The following GLS variants were observed in gnomAD, a reference collection of about 807,000 sequenced individuals.
GLS encodes glutaminase.
In GLS, 36 loss-of-function variants were observed where a neutral mutation model predicts 86.7. That is an observed-to-expected ratio of 0.42 (90% CI 0.32 to 0.55). The LOEUF (loss-of-function observed/expected upper bound fraction) is 0.55, where lower values mean the gene tolerates loss of function less well. GLS is among the 20% of genes least tolerant of loss of function. The pLI, the probability that GLS is intolerant of heterozygous loss-of-function variation, is 0.17. For missense variants in GLS, 528 were observed against 833.4 expected (o/e 0.63, Z 4.51); for synonymous variants, 317 against 305.9 (o/e 1.04, Z -0.38).
chr2:190,907,176 G>A (rs557639462), intron 6 of GLS, among the ~76,000 whole-genome samples: 48 of 151,736 alleles, frequency 3.2e-4, no homozygotes, highest in African/African-American at 1.0e-3. Context: ...TGCCCGCCTC[G>A]GCCTCCCAAA....
At position 190,920,918 on chromosome 2, in the gene GLS, C is replaced by A; in HGVS notation, c.1039-106C>A. The A allele has an allele frequency of 3.3e-6, 2 of 613,564 alleles. No individual in the cohort carries two copies. The highest frequency in any genetic ancestry group is 5.9e-6 in the Non-Finnish European group (2 of 337,868). 38.0% of individuals were successfully genotyped at this position (613,564 alleles called of 1,614,324 possible). On this transcript the variant is annotated intron_variant, in intron 7 of 17. Coordinates refer to ENST00000320717, the MANE Select transcript of GLS (RefSeq NM_014905.5). The surrounding 1 kb of genome is among the most constrained non-coding windows in gnomAD (Gnocchi z 4.2). ...GAACTATTTCCTAGATTTAAAAATA[C>A]TAATGCAGTATATTATAATAGTAGC...
chr2:190,910,450 TTATGG>T, intron 7 of GLS, 129 bp downstream of exon 7: 1 of 577,914 alleles, frequency 1.7e-6, no homozygotes. Flanking sequence ...GAAATTTGTC[TTATGG>T]TATAGTGTTA....
At chr2:190,900,503 T>A (rs1183425424) in intron 3 of GLS, 61 bp from the exon 4 acceptor site, 1 of 910,130 alleles carries the variant, frequency 1.1e-6, no homozygotes, top group Non-Finnish European at 1.7e-6. Context: ...ATTACTGTTA[T>A]TACCAAGTTC....
At chr2:190,881,544 G>T in intron 1 of GLS, 74 bp downstream of exon 1, 1 of 1,373,948 alleles carries the variant, frequency 7.3e-7, no homozygotes, top group Middle Eastern at 2.5e-4. Context: ...GGGCCCTGCG[G>T]TGGGGCGGGA....
intron 3 of GLS, among the ~76,000 whole-genome samples, chr2:190,900,235 G>T (rs181241173): frequency 1.9e-4 from 29 of 152,242 alleles, no homozygotes; most frequent in African/African-American, 6.5e-4. Flanking sequence ...ACCAGATGTC[G>T]TCATGCTGAA....
intron 1 of GLS, among the ~76,000 whole-genome samples, chr2:190,887,313 C>T (rs1212675048): frequency 6.6e-6 from 1 of 152,100 alleles, no homozygotes; most frequent in Non-Finnish European, 1.5e-5. Flanking sequence ...GTCATCACTG[C>T]ACTTAGTGAT....
In GLS at chr2:190,895,349, A is replaced by T. The variant is rs1436306471; in HGVS notation, c.483+101A>T. ...GTCTTAAAGGTCGTCTGACATGTAG[A>T]TTCTGACTGACAATATTTCTCTTAT... On this transcript the variant is annotated intron_variant, in intron 2 of 17. Coordinates refer to ENST00000320717, the MANE Select transcript of GLS (RefSeq NM_014905.5). The surrounding 1 kb of genome is among the most constrained non-coding windows in gnomAD (Gnocchi z 4.2). 1 of 560,662 alleles carries T rather than the reference A, an allele frequency of 1.8e-6. No homozygotes were observed. Among genetic ancestry groups the T allele is most frequent in the African/African-American group, 1.9e-5 (1 of 52,778 alleles). The allele number at this position is 560,662 out of a possible 1,614,324, so 34.7% of individuals were successfully genotyped here. A position where few individuals can be genotyped will look rare whatever the true frequency, so the allele number is the denominator to read the frequency against.
intron 14 of GLS, among the ~76,000 whole-genome samples, chr2:190,950,395 A>C (rs1209985164): frequency 6.6e-6 from 1 of 152,180 alleles, no homozygotes; most frequent in Non-Finnish European, 1.5e-5. Context: ...GGTTCAGATG[A>C]GGCCTAAGGC....
chr2:190,927,390 GA>G lies in GLS; in HGVS notation c.1336del (p.Arg446GlufsTer3). 1 of 1,613,906 alleles carries G rather than the reference GA, an allele frequency of 6.2e-7. No homozygotes were observed. The highest frequency in any genetic ancestry group is 8.5e-7 in the Non-Finnish European group (1 of 1,179,814). ...TGGTGGTTTCTGCCCAATTACTGGT[GA>G]AAGAGTACTGAGCCCTGAAGCAGTT... ...ANGGFCPITGERVLSPEAVRN... is the reference protein window; with the variant it reads ...ANGGFCPITGXRVLSPEAVRN... On this transcript the variant is annotated frameshift_variant, in exon 12 of 18. Coordinates refer to ENST00000320717, the MANE Select transcript of GLS (RefSeq NM_014905.5). LOFTEE classifies it high-confidence loss of function.
At position 190,880,869 on chromosome 2, in the gene GLS, G is replaced by A. The variant is rs1453149182; in HGVS notation, c.-216G>A. Reference sequence around the variant, plus strand: ...AAGAGAACCGGTCGCGGCAATCCTAGCGCGCAGCAGCAGCAGCAGCAGCAG... The same window carrying A: ...AAGAGAACCGGTCGCGGCAATCCTAACGCGCAGCAGCAGCAGCAGCAGCAG... On this transcript the variant is annotated 5_prime_UTR_variant, in exon 1 of 18. Coordinates refer to ENST00000320717, the MANE Select transcript of GLS (RefSeq NM_014905.5). 2.5e-5 allele frequency: 18 copies of A among 732,382 alleles called. 1 individual carries two copies. The highest frequency in any genetic ancestry group is 6.2e-5 in the East Asian group (2 of 32,474). The allele number at this position is 732,382 out of a possible 1,614,324, so 45.4% of individuals were successfully genotyped here. A position where few individuals can be genotyped will look rare whatever the true frequency, so the allele number is the denominator to read the frequency against.
At chr2:190,917,025 A>G (rs988593478) in intron 7 of GLS, among the ~76,000 whole-genome samples, 3 of 152,128 alleles carry the variant, frequency 2.0e-5, no homozygotes, top group African/African-American at 7.2e-5. Context: ...GGCTGTGGCA[A>G]TTTCTTAAAA....
intron 6 of GLS, among the ~76,000 whole-genome samples, chr2:190,907,310 C>T (rs1371092428): frequency 2.7e-5 from 4 of 148,906 alleles, no homozygotes; most frequent in African/African-American, 9.8e-5. Flanking sequence ...GGCGCAATCT[C>T]GGCTCGGCGC....
At chr2:190,887,609 C>T (rs537765300) in intron 1 of GLS, among the ~76,000 whole-genome samples, 2 of 152,154 alleles carry the variant, frequency 1.3e-5, no homozygotes, top group South Asian at 4.1e-4. Context: ...ACCCGTCCTT[C>T]AATTCTTGAT....
rs550215381 is a variant in GLS, at chr2:190,881,434, A to G, written c.350A>G (p.Asn117Ser). The change falls in exon 1 of 18, where the codon AAC becomes AGC. Residue 117 changes from asparagine (N) to serine (S), a missense_variant. Physicochemically the swap from Asn to Ser is conservative, Grantham distance 46. Around this residue, in one of 4 missense-constraint regions of GLS, gnomAD observed 224 missense variants for 187.9 expected, o/e 1.19. Coordinates refer to ENST00000320717, the MANE Select transcript of GLS (RefSeq NM_014905.5). ...CCCGGGGAGACGGACGCGTTTGGCA[A>G]CAGCGAGGGCAAAGAGCTGGTGGCC... Reference protein sequence around the residue: ...DGPGETDAFGNSEGKELVASG... With the variant: ...DGPGETDAFGSSEGKELVASG... 5.8e-6 allele frequency: 9 copies of G among 1,545,618 alleles called. No homozygotes were observed. Among genetic ancestry groups the G allele is most frequent in the East Asian group, 2.5e-5 (1 of 40,458 alleles).
intron 14 of GLS, among the ~76,000 whole-genome samples, chr2:190,948,529 T>C (rs1230756194): frequency 6.6e-6 from 1 of 152,212 alleles, no homozygotes; most frequent in South Asian, 2.1e-4. Context: ...AAATTCAAAA[T>C]TTTAAAGGGG....
intron 3 of GLS, among the ~76,000 whole-genome samples, chr2:190,898,681 GA>G (rs1268233351): frequency 6.6e-6 from 1 of 152,152 alleles, no homozygotes; most frequent in Non-Finnish European, 1.5e-5. Context: ...GCCCAGGCTG[GA>G]GTGCAATGGC....
In GLS at chr2:190,963,629, G is replaced by A. The variant is rs1300675990; in HGVS notation, c.*643G>A. 2.0e-5 allele frequency: 3 copies of A among 152,606 alleles called. No homozygotes were observed. Among genetic ancestry groups the A allele is most frequent in the African/African-American group, 7.2e-5 (3 of 41,444 alleles). The allele number at this position is 152,606 out of a possible 1,614,324, so 9.5% of individuals were successfully genotyped here. On this transcript the variant is annotated 3_prime_UTR_variant, in exon 18 of 18. Coordinates refer to ENST00000320717, the MANE Select transcript of GLS (RefSeq NM_014905.5). Reference sequence around the variant, plus strand: ...GTGTGAATGTAGTTATAATGCTTTTGAAAAATTTTCCTTTTTCTATATCCC... The same window carrying A: ...GTGTGAATGTAGTTATAATGCTTTTAAAAAATTTTCCTTTTTCTATATCCC...
chr2:190,894,024 T>C (rs1385189098), intron 1 of GLS, among the ~76,000 whole-genome samples: 1 of 152,212 alleles, frequency 6.6e-6, no homozygotes, highest in Admixed American at 6.5e-5. Flanking sequence ...TATTTAAAAG[T>C]TTGGTTAATC....
chr2:190,910,509 A>G (rs549722927), intron 7 of GLS, among the ~76,000 whole-genome samples, 188 bp downstream of exon 7: 4 of 152,150 alleles, frequency 2.6e-5, no homozygotes, highest in African/African-American at 9.6e-5. Context: ...TTCAAGGCAA[A>G]ATTAAAACAG....
Sources: gnomAD v4.1 joint callset for allele counts (sites outside exome capture counted in the v4.1 genomes callset) on GRCh38, gnomAD v4.1.1 for gene constraint, gnomAD v4.1.1 regional missense constraint, Gnocchi (gnomAD v3.1) non-coding constraint, MANE v1.5 for transcripts, NCBI Gene and HGNC (gene_info 2026-07-23, HGNC 2026-07-21) for gene names.